LIMD1: variants seen among roughly 807,000 people sequenced by gnomAD.
LIMD1 encodes the protein LIM domain-containing protein 1.
Under a neutral mutation model 58.4 loss-of-function variants are expected in LIMD1, and 23 were observed. That is an observed-to-expected ratio of 0.39 (90% CI 0.28 to 0.56). LIMD1 has a LOEUF of 0.56. LIMD1 is among the 20% of genes least tolerant of loss of function. LIMD1 has a pLI of 0.57. For synonymous variants in LIMD1, 334 were observed against 345.5 expected (o/e 0.97, Z 0.37); for missense variants, 838 against 855.5 (o/e 0.98, Z 0.25).
rs1214728004 is a variant in LIMD1, at chr3:45,681,452, A to C, written c.*4393A>C. The stretch of plus-strand genomic sequence containing the variant: ...CACATGGGTTCATGGATCCTGGCAG[A>C]AGTTATGAGACTCATAGGTCAGAGA... On this transcript the variant is annotated 3_prime_UTR_variant, in exon 8 of 8. Transcript: ENST00000273317. 1.3e-5 allele frequency: 2 copies of C among 152,250 alleles called. No individual in the cohort carries two copies. Among genetic ancestry groups the C allele is most frequent in the Non-Finnish European group, 2.9e-5 (2 of 68,050 alleles). 9.4% of individuals were successfully genotyped at this position (152,250 alleles called of 1,614,324 possible).
chr3:45,630,404 G>A (rs1489214529), intron 1 of LIMD1, among the ~76,000 whole-genome samples: 2 of 152,180 alleles, frequency 1.3e-5, no homozygotes, highest in Non-Finnish European at 2.9e-5. Flanking sequence ...CGTCTGGAGA[G>A]GGGCTGGCTC....
intron 2 of LIMD1, among the ~76,000 whole-genome samples, chr3:45,645,291 G>A (rs557760464): frequency 6.6e-5 from 10 of 152,188 alleles, no homozygotes; most frequent in Non-Finnish European, 1.3e-4. Context: ...GTCAGACTCT[G>A]CTGGTTCAGT....
intron 2 of LIMD1, among the ~76,000 whole-genome samples, chr3:45,637,275 T>C (rs1701798189): frequency 7.5e-6 from 1 of 133,204 alleles, no homozygotes; most frequent in Non-Finnish European, 1.5e-5. Flanking sequence ...GTGAGGCAAG[T>C]GTATTAATTT....
chr3:45,661,114 A>G (rs79882677), intron 2 of LIMD1, among the ~76,000 whole-genome samples: 85 of 152,298 alleles, frequency 5.6e-4, no homozygotes, highest in African/African-American at 2.0e-3. Flanking sequence ...GTGGCCTTCT[A>G]TGTAAGTCCT....
intron 2 of LIMD1, among the ~76,000 whole-genome samples, chr3:45,637,497 T>G (rs1165589748): frequency 6.6e-6 from 1 of 152,188 alleles, no homozygotes; most frequent in Non-Finnish European, 1.5e-5. Context: ...GCCAGGATTG[T>G]CTCGATCTCT....
At chr3:45,642,938 G>A (rs955794274) in intron 2 of LIMD1, among the ~76,000 whole-genome samples, 3 of 152,186 alleles carry the variant, frequency 2.0e-5, no homozygotes, top group Admixed American at 6.5e-5. Context: ...CTCCCCTCAG[G>A]CTCTGCCCAC....
At chr3:45,620,655 G>A (rs1297889998) in intron 1 of LIMD1, among the ~76,000 whole-genome samples, 1 of 152,100 alleles carries the variant, frequency 6.6e-6, no homozygotes, top group Non-Finnish European at 1.5e-5. Flanking sequence ...CTTGAACCTG[G>A]GGGGCAGAAG....
At chr3:45,676,310 T>A (rs2125671596) in intron 7 of LIMD1, among the ~76,000 whole-genome samples, 1 of 152,134 alleles carries the variant, frequency 6.6e-6, no homozygotes, top group South Asian at 2.1e-4. Flanking sequence ...CCCATGAGAT[T>A]TTTTTTGTAA....
At chr3:45,609,447 A>C (rs1701502458) in intron 1 of LIMD1, among the ~76,000 whole-genome samples, 1 of 152,160 alleles carries the variant, frequency 6.6e-6, no homozygotes, top group African/African-American at 2.4e-5. Context: ...GGGCTCAAGC[A>C]GTCCTCTTGC....
At chr3:45,636,669 G>T (rs1056362301) in intron 2 of LIMD1, among the ~76,000 whole-genome samples, 3 of 152,178 alleles carry the variant, frequency 2.0e-5, no homozygotes, top group Non-Finnish European at 4.4e-5. Context: ...TGAGGTGGAG[G>T]TGGGGGTCCT....
intron 1 of LIMD1, among the ~76,000 whole-genome samples, chr3:45,608,805 A>ACTCCAGC (rs1165315164): frequency 7.1e-6 from 1 of 141,074 alleles, no homozygotes; most frequent in Non-Finnish European, 1.5e-5. Context: ...GTGTCATTGC[A>ACTCCAGC]CTCCAGCCTG....
At chr3:45,610,258 C>G (rs1559514334) in intron 1 of LIMD1, among the ~76,000 whole-genome samples, 1 of 152,304 alleles carries the variant, frequency 6.6e-6, no homozygotes, top group East Asian at 1.9e-4. Context: ...CCCTGACTTC[C>G]TCCTGAGTGT....
intron 2 of LIMD1, among the ~76,000 whole-genome samples, chr3:45,648,364 T>G (rs147507830): frequency 1.3e-5 from 2 of 152,374 alleles, no homozygotes; most frequent in African/African-American, 2.4e-5. Flanking sequence ...TGTGTCTGGC[T>G]TTTTTCACTT....
rs1323619590 is a variant in LIMD1, at chr3:45,685,202, G to A, written c.*8143G>A. ...TATGAATTTATATTACCCATCATTG[G>A]CTGGTTCCTTATCCTGAACATTGGT... On this transcript the variant is annotated 3_prime_UTR_variant, in exon 8 of 8. Transcript: ENST00000273317. 1 of 152,130 alleles carries A rather than the reference G, an allele frequency of 6.6e-6. No homozygotes were observed. The highest frequency in any genetic ancestry group is 1.5e-5 in the Non-Finnish European group (1 of 68,030). The allele number at this position is 152,130 out of a possible 1,614,324, so 9.4% of individuals were successfully genotyped here. A position where few individuals can be genotyped will look rare whatever the true frequency, so the allele number is the denominator to read the frequency against.
chr3:45,602,191 A>G (rs137903546), intron 1 of LIMD1, among the ~76,000 whole-genome samples: 5,518 of 151,764 alleles, frequency 0.036, 142 homozygotes, highest in East Asian at 0.13. Flanking sequence ...CTTGTGATCC[A>G]CCCTCCTTGG....
At chr3:45,614,852 G>A (rs143524562) in intron 1 of LIMD1, among the ~76,000 whole-genome samples, 272 of 150,194 alleles carry the variant, frequency 1.8e-3, no homozygotes, top group African/African-American at 6.4e-3. Flanking sequence ...AATTGGAAAG[G>A]TCACCGATCA....
chr3:45,677,937 C>G lies in LIMD1; in HGVS notation c.*878C>G, dbSNP rs889211389. ...GTCTCAGGAACCCATGCAGGTACAT[C>G]GCTTGCACCTGTTTTTAGCTTATTT... is the stretch of plus-strand genomic sequence containing the variant. On this transcript the variant is annotated 3_prime_UTR_variant, in exon 8 of 8. Coordinates refer to ENST00000273317, the MANE Select transcript of LIMD1 (RefSeq NM_014240.3). 1 of 152,100 alleles carries G rather than the reference C, an allele frequency of 6.6e-6. No homozygotes were observed. The highest frequency in any genetic ancestry group is 6.6e-5 in the Admixed American group (1 of 15,264). The allele number at this position is 152,100 out of a possible 1,614,324, so 9.4% of individuals were successfully genotyped here. A position where few individuals can be genotyped will look rare whatever the true frequency, so the allele number is the denominator to read the frequency against.
intron 1 of LIMD1, among the ~76,000 whole-genome samples, chr3:45,630,577 G>C (rs1355165044): frequency 6.6e-6 from 1 of 152,180 alleles, no homozygotes; most frequent in Non-Finnish European, 1.5e-5. Flanking sequence ...AAAGATGGTC[G>C]TGTGTGCAAG....
At chr3:45,638,077 G>A (rs1701806944) in intron 2 of LIMD1, among the ~76,000 whole-genome samples, 1 of 152,030 alleles carries the variant, frequency 6.6e-6, no homozygotes. Flanking sequence ...AGGTGCAGTT[G>A]ATGATTGTTA....
Sources: gnomAD v4.1 joint callset for allele counts (sites outside exome capture counted in the v4.1 genomes callset) on GRCh38, gnomAD v4.1.1 for gene constraint, MANE v1.5 for transcripts, NCBI Gene and HGNC (gene_info 2026-07-23, HGNC 2026-07-21) for gene names.